XPR1: variants seen among roughly 807,000 people sequenced by gnomAD.
The protein encoded by XPR1 is solute carrier family 53 member 1.
A neutral mutation model predicts 87.5 loss-of-function variants in XPR1; 28 were observed. That is an observed-to-expected ratio of 0.32 (90% confidence interval 0.24 to 0.44). The LOEUF (loss-of-function observed/expected upper bound fraction) is 0.44. Among genes scored for constraint, XPR1 ranks in the 20% least tolerant of loss-of-function variants. The pLI is 1.00. For missense variants in XPR1, 559 were observed against 862.3 expected (o/e 0.65, Z 4.41); for synonymous variants, 300 against 306.1 (o/e 0.98, Z 0.21).
At chr1:180,669,203 T>C (rs906796656) in intron 1 of XPR1, among the ~76,000 whole-genome samples, 2 of 152,060 alleles carry the variant, frequency 1.3e-5, no homozygotes, top group African/African-American at 4.8e-5. Context: ...TGTCATTGGG[T>C]AGAGTGTTAC....
At chr1:180,861,296 T>C (rs1280588929) in intron 11 of XPR1, among the ~76,000 whole-genome samples, 1 of 152,104 alleles carries the variant, frequency 6.6e-6, no homozygotes, top group East Asian at 1.9e-4. Context: ...TTTTTATCTC[T>C]GTGTGGATCT....
intron 2 of XPR1, among the ~76,000 whole-genome samples, chr1:180,781,373 T>C (rs1486841911): frequency 1.3e-5 from 2 of 151,992 alleles, no homozygotes; most frequent in South Asian, 2.1e-4. Flanking sequence ...AGAATAGTAA[T>C]GAAAATTTGA....
Position 180,664,327 on chromosome 1 carries a change from G to A in XPR1, c.70-18033G>A, listed in dbSNP as rs528260245. Among the ~76,000 whole-genome samples, 57 of 152,180 alleles carry A rather than the reference G, an allele frequency of 3.7e-4. No homozygotes were observed. In the East Asian group the frequency reaches 3.9e-3, roughly 10 times the overall value. On this transcript the variant is annotated intron_variant, in intron 1 of 14. Transcript: ENST00000367590. ...CTGTTTACCACTGCTGCTTATTCAG[G>A]GCCCAAGGGTTCTGTGTTCAGCAGA...
At chr1:180,862,972 A>G (rs183839011) in intron 11 of XPR1, among the ~76,000 whole-genome samples, 3 of 152,144 alleles carry the variant, frequency 2.0e-5, no homozygotes, top group East Asian at 3.8e-4. Flanking sequence ...ATTAAATTGT[A>G]TAACTATATT....
In XPR1 at chr1:180,836,580, T is replaced by C; in HGVS notation, c.1365T>C (p.Pro455=). ...YGVRAIVQCI[P]AWLRFIQCLR... ...TGCGGGCCATTGTTCAGTGCATTCC[T>C]GCTTGGCTTCGCTTCATCCAGTGCC... The change falls in exon 11 of 15, where the codon CCT becomes CCC. Residue 455 remains proline (P), a synonymous_variant. Transcript: ENST00000367590. 1 of 1,614,216 alleles carries C rather than the reference T, an allele frequency of 6.2e-7. No homozygotes were observed. Among genetic ancestry groups the C allele is most frequent in the Non-Finnish European group, 8.5e-7 (1 of 1,180,042 alleles).
rs1194516122 is a variant in XPR1 at position 180,743,233 on chromosome 1, AGTATTTTAATATTTTTT to A, written c.122-44509_122-44493del. Reference sequence around the variant, plus strand: ...TTTTCCCTTTTTTTTTTGGGGGGGGAGTATTTTAATATTTTTTGTATTTTAATGTATCAGTTGTATTT... The same window carrying A: ...TTTTCCCTTTTTTTTTTGGGGGGGGAGTATTTTAATGTATCAGTTGTATTT... On this transcript the variant is annotated intron_variant, in intron 2 of 14. Transcript: ENST00000367590. 3.5e-3 allele frequency among the ~76,000 whole-genome samples: 425 copies of A among 120,868 alleles called. 3 individuals carry two copies. The highest frequency in any genetic ancestry group is 0.012 in the African/African-American group (383 of 31,976). The allele number at this position is 120,868 out of a possible 152,430, so 79.3% of individuals were successfully genotyped here.
At chr1:180,755,504 G>A (rs1245030434) in intron 2 of XPR1, among the ~76,000 whole-genome samples, 2 of 152,136 alleles carry the variant, frequency 1.3e-5, no homozygotes, top group African/African-American at 2.4e-5. Flanking sequence ...TACTGCTTGT[G>A]TTATTTGTCA....
At chr1:180,646,886 T>TG (rs1655137382) in intron 1 of XPR1, among the ~76,000 whole-genome samples, 1 of 152,218 alleles carries the variant, frequency 6.6e-6, no homozygotes, top group African/African-American at 2.4e-5. Context: ...TCAATCCTCT[T>TG]TCTACTATAA....
intron 9 of XPR1, 115 bp from the exon 10 acceptor site, chr1:180,834,759 C>A (rs1301732068): frequency 7.5e-6 from 9 of 1,200,152 alleles, no homozygotes; most frequent in Non-Finnish European, 1.0e-5. Context: ...ATGATTGGTT[C>A]TTTGGTTTCC....
intron 11 of XPR1, among the ~76,000 whole-genome samples, chr1:180,837,913 C>T (rs1362138482): frequency 6.6e-6 from 1 of 152,150 alleles, no homozygotes; most frequent in Non-Finnish European, 1.5e-5. Context: ...GAACCCTTTA[C>T]TTTTCTTCCA....
intron 2 of XPR1, among the ~76,000 whole-genome samples, chr1:180,696,846 G>A (rs770846065): frequency 6.6e-5 from 10 of 152,098 alleles, no homozygotes; most frequent in African/African-American, 1.9e-4. Context: ...CCACTTGATC[G>A]TGGTGCATTA....
chr1:180,663,314 A>C (rs1424665665), intron 1 of XPR1, among the ~76,000 whole-genome samples: 2 of 152,200 alleles, frequency 1.3e-5, no homozygotes, highest in Non-Finnish European at 2.9e-5. Context: ...TAGTGATATA[A>C]GTTTTTAGTG....
intron 2 of XPR1, among the ~76,000 whole-genome samples, chr1:180,717,582 C>A (rs939383321): frequency 6.6e-6 from 1 of 152,012 alleles, no homozygotes; most frequent in Non-Finnish European, 1.5e-5. Flanking sequence ...TCTATATCTC[C>A]TACATCAGAA....
At chr1:180,861,669 A>T (rs990258849) in intron 11 of XPR1, among the ~76,000 whole-genome samples, 1 of 152,092 alleles carries the variant, frequency 6.6e-6, no homozygotes, top group African/African-American at 2.4e-5. Flanking sequence ...TGAGAATCAC[A>T]TGTGGACCAT....
At chr1:180,663,214 A>G (rs1053611148) in intron 1 of XPR1, among the ~76,000 whole-genome samples, 3 of 152,172 alleles carry the variant, frequency 2.0e-5, no homozygotes, top group African/African-American at 7.2e-5. Flanking sequence ...TGGGCATTCA[A>G]GAGTTATTTA....
chr1:180,721,706 C>T (rs1167805019), intron 2 of XPR1, among the ~76,000 whole-genome samples: 1 of 152,140 alleles, frequency 6.6e-6, no homozygotes, highest in African/African-American at 2.4e-5. Context: ...CAAGACCAAC[C>T]TCCCATTTTA....
At chr1:180,663,848 GA>G in intron 1 of XPR1, among the ~76,000 whole-genome samples, 1 of 152,142 alleles carries the variant, frequency 6.6e-6, no homozygotes, top group Non-Finnish European at 1.5e-5. Context: ...AGCAGGCGCT[GA>G]AACCATTGTT....
chr1:180,724,232 T>C (rs1658264329), intron 2 of XPR1, among the ~76,000 whole-genome samples: 1 of 152,084 alleles, frequency 6.6e-6, no homozygotes, highest in South Asian at 2.1e-4. Flanking sequence ...TCAAAGAATA[T>C]CTAGAGGAGG....
rs546937352 is a variant in XPR1 at position 180,655,737 on chromosome 1, C to G, written c.69+23467C>G. 5.9e-5 allele frequency among the ~76,000 whole-genome samples: 9 copies of G among 151,536 alleles called. 1 individual carries two copies. In the South Asian group the frequency reaches 1.3e-3, roughly 21 times the overall value. On this transcript the variant is annotated intron_variant, in intron 1 of 14. Transcript: ENST00000367590. ...ATAGCTTTAAGTCTTACATTTAGGT[C>G]TTTTATCCTTTTTGAGTTAATTTTT... is the stretch of plus-strand genomic sequence containing the variant.
Sources: allele counts gnomAD v4.1 joint callset (sites outside exome capture counted in the v4.1 genomes callset), GRCh38; gene constraint gnomAD v4.1.1; transcripts MANE v1.5; gene names NCBI Gene and HGNC (gene_info 2026-07-23, HGNC 2026-07-21).